The following CEP128 variants were observed in gnomAD, a reference collection of about 807,000 sequenced individuals.
CEP128 encodes the protein centrosomal protein 128kDa.
CEP128 carries 132 observed loss-of-function variants against 156.7 expected under a neutral mutation model. The ratio of observed to expected loss-of-function variants is 0.84; its 90% CI spans 0.73 to 0.97. The LOEUF (loss-of-function observed/expected upper bound fraction) is 0.97. CEP128 is among the 50% of genes least tolerant of loss of function. The pLI is 0.00. For missense variants in CEP128, 1,252 were observed against 1,281.9 expected (o/e 0.98, Z 0.36); for synonymous variants, 469 against 448.9 (o/e 1.04, Z -0.57).
intron 13 of CEP128, among the ~76,000 whole-genome samples, chr14:80,817,537 AT>A (rs1482813414): frequency 3.9e-5 from 6 of 152,336 alleles, no homozygotes; most frequent in African/African-American, 1.4e-4. Flanking sequence ...GATGGAAATT[AT>A]TTTTGAAAAA....
chr14:80,860,814 A>G (rs1887477215), intron 9 of CEP128, among the ~76,000 whole-genome samples: 1 of 152,090 alleles, frequency 6.6e-6, no homozygotes, highest in African/African-American at 2.4e-5. Flanking sequence ...CTAATTTTCA[A>G]TTAACAGTGA....
chr14:80,744,741 G>A (rs1448384135), intron 18 of CEP128, among the ~76,000 whole-genome samples: 1 of 152,112 alleles, frequency 6.6e-6, no homozygotes, highest in Non-Finnish European at 1.5e-5. Flanking sequence ...CAGATCACCA[G>A]GATTTTTCAG....
intron 21 of CEP128, among the ~76,000 whole-genome samples, chr14:80,543,614 A>G (rs1267883301): frequency 1.3e-5 from 2 of 152,198 alleles, no homozygotes; most frequent in African/African-American, 4.8e-5. Context: ...AGTGGATACA[A>G]TACAGCTGAC....
At chr14:80,708,003 C>T (rs948912694) in intron 19 of CEP128, among the ~76,000 whole-genome samples, 1 of 152,068 alleles carries the variant, frequency 6.6e-6, no homozygotes, top group African/African-American at 2.4e-5. Context: ...AGTCATTTAT[C>T]TCATATTATG....
intron 16 of CEP128, among the ~76,000 whole-genome samples, chr14:80,761,993 A>T (rs1899994881): frequency 6.6e-6 from 1 of 152,170 alleles, no homozygotes. Context: ...GTAAAACACC[A>T]GAAAATATAA....
intron 19 of CEP128, among the ~76,000 whole-genome samples, chr14:80,656,300 TA>T (rs1201613981): frequency 8.6e-4 from 7 of 8,144 alleles, no homozygotes; most frequent in Non-Finnish European, 1.3e-3. Flanking sequence ...TTTATATATA[TA>T]TATATATATA....
At chr14:80,912,224 A>C (rs1884275607) in intron 4 of CEP128, among the ~76,000 whole-genome samples, 1 of 152,102 alleles carries the variant, frequency 6.6e-6, no homozygotes, top group Non-Finnish European at 1.5e-5. Flanking sequence ...TCAAAAAAAA[A>C]AAAAACTACT....
At chr14:80,891,800 G>A (rs562601824) in intron 8 of CEP128, among the ~76,000 whole-genome samples, 14 of 151,698 alleles carry the variant, frequency 9.2e-5, no homozygotes, top group Admixed American at 2.6e-4. Flanking sequence ...AATATTTCAC[G>A]AAATATGTAT....
At chr14:80,724,945 TCATAC>T (rs904054477) in intron 19 of CEP128, among the ~76,000 whole-genome samples, 5 of 147,816 alleles carry the variant, frequency 3.4e-5, no homozygotes, top group African/African-American at 1.2e-4. Context: ...TATATATATA[TCATAC>T]ATTTATATAT....
chr14:80,749,118 C>G (rs28603151), intron 18 of CEP128, among the ~76,000 whole-genome samples: 4,055 of 152,202 alleles, frequency 0.027, 176 homozygotes, highest in African/African-American at 0.092. Context: ...TCCTCCACCT[C>G]CAGGCAGTTC....
At chr14:80,574,887 C>T (rs886906919) in intron 20 of CEP128, among the ~76,000 whole-genome samples, 3 of 151,932 alleles carry the variant, frequency 2.0e-5, no homozygotes, top group Non-Finnish European at 4.4e-5. Flanking sequence ...AAAAGAAAAT[C>T]GAACCCTTCA....
chr14:80,841,334 T>C (rs1886340391), intron 9 of CEP128, among the ~76,000 whole-genome samples: 1 of 152,036 alleles, frequency 6.6e-6, no homozygotes, highest in Non-Finnish European at 1.5e-5. Context: ...CCAGAAGCTT[T>C]TTCCAACAAG....
intron 19 of CEP128, among the ~76,000 whole-genome samples, chr14:80,607,530 A>G (rs949299959): frequency 1.2e-4 from 18 of 152,196 alleles, no homozygotes; most frequent in African/African-American, 4.3e-4. Context: ...CAATAAATGT[A>G]AAAGTCTTGC....
intron 23 of CEP128, among the ~76,000 whole-genome samples, chr14:80,509,802 A>G (rs1393739403): frequency 6.6e-6 from 1 of 152,166 alleles, no homozygotes. Flanking sequence ...AATTTTATAT[A>G]TGATAAGAGG....
intron 17 of CEP128, 28 bp downstream of exon 17, chr14:80,761,397 CTAACTGAAAATA>C (rs755389996): frequency 5.0e-6 from 7 of 1,400,444 alleles, no homozygotes; most frequent in Non-Finnish European, 6.9e-6. Context: ...TATTAGGAAA[CTAACTGAAAATA>C]TAAGGTGCAA....
At chr14:80,803,353 G>C (rs1470384669) in intron 13 of CEP128, among the ~76,000 whole-genome samples, 1 of 78,238 alleles carries the variant, frequency 1.3e-5, no homozygotes, top group African/African-American at 5.6e-5. Flanking sequence ...ACAGCCCTAT[G>C]TTAAAAAAAA....
chr14:80,955,874 G>GT (rs751884077), intron 2 of CEP128: 1 of 1,613,906 alleles, frequency 6.2e-7, no homozygotes, highest in African/African-American at 1.3e-5. Context: ...AGAGATCAGG[G>GT]TAGGACCCAG....
At chr14:80,931,333 T>A (rs1885451853) in intron 2 of CEP128, among the ~76,000 whole-genome samples, 1 of 152,184 alleles carries the variant, frequency 6.6e-6, no homozygotes, top group Non-Finnish European at 1.5e-5. Flanking sequence ...ATGCACTGTG[T>A]CATCCATGGA....
At chr14:80,698,846 T>G (rs1198613099) in intron 19 of CEP128, among the ~76,000 whole-genome samples, 1 of 152,228 alleles carries the variant, frequency 6.6e-6, no homozygotes, top group Non-Finnish European at 1.5e-5. Context: ...CATTTTCTCT[T>G]TTGTAAAAAT....
Sources: gnomAD v4.1 joint callset for allele counts (sites outside exome capture counted in the v4.1 genomes callset) on GRCh38, gnomAD v4.1.1 for gene constraint, MANE v1.5 for transcripts, NCBI Gene and HGNC (gene_info 2026-07-23, HGNC 2026-07-21) for gene names.